The following CC2D2A variants were observed in gnomAD, a reference collection of about 807,000 sequenced individuals.
CC2D2A encodes coiled-coil and C2 domain containing 2A.
CC2D2A carries 155 observed loss-of-function variants against 212.9 expected under a neutral mutation model. The ratio of observed to expected loss-of-function variants is 0.73; its 90% CI spans 0.64 to 0.83. The LOEUF (loss-of-function observed/expected upper bound fraction) is 0.83, where lower values mean the gene tolerates loss of function less well. CC2D2A is among the 40% of genes least tolerant of loss of function. CC2D2A has a pLI of 0.00. For synonymous variants in CC2D2A, 667 were observed against 686.5 expected, an observed-to-expected ratio of 0.97 and a Z score of 0.44; for missense variants, 1,856 against 1,956.2, an observed-to-expected ratio of 0.95 and a Z score of 0.97.
At chr4:15,546,264 C>T (rs1718706612) in intron 17 of CC2D2A, among the ~76,000 whole-genome samples, 1 of 152,156 alleles carries the variant, frequency 6.6e-6, no homozygotes, top group Non-Finnish European at 1.5e-5. Flanking sequence ...TGAAATTTGG[C>T]TTAGAAATTT....
At chr4:15,589,784 AATAT>A in intron 33 of CC2D2A, 105 bp downstream of exon 33, 1 of 288,230 alleles carries the variant, frequency 3.5e-6, no homozygotes, top group Non-Finnish European at 5.8e-6. Flanking sequence ...TATATAAATG[AATAT>A]ATATATATAT....
At chr4:15,488,816 T>G (rs532458799) in intron 4 of CC2D2A, among the ~76,000 whole-genome samples, 1 of 152,358 alleles carries the variant, frequency 6.6e-6, no homozygotes, top group Non-Finnish European at 1.5e-5. Flanking sequence ...TTCGGGCACA[T>G]GCCCGGAGGT....
rs1716010691 is a variant in CC2D2A, at chr4:15,502,459, C to A, written c.278C>A (p.Thr93Lys). ...CCTCCAATTCCTTCAACTTCCAGAA[C>A]AGGCTTTGCAGAATTTTCCATGAGG... Reference protein sequence around the residue: ...SLPPIPSTSRTGFAEFSMRGR... With the variant: ...SLPPIPSTSRKGFAEFSMRGR... Residue 93 changes from threonine to lysine, a missense_variant, in exon 5 of 37, where the codon ACA becomes AAA. Physicochemically the swap from Thr to Lys is moderately conservative, Grantham distance 78. This residue lies in a region of CC2D2A where 1,512 missense variants were observed against 1,579.3 expected (regional missense o/e 0.96). Transcript: ENST00000424120. 2 of 1,607,508 alleles carry A rather than the reference C, an allele frequency of 1.2e-6. No homozygotes were observed. The highest frequency in any genetic ancestry group is 1.3e-5 in the African/African-American group (1 of 74,344).
In CC2D2A at chr4:15,550,790, T is replaced by C. The variant is rs1718957584; in HGVS notation, c.2182-34T>C. On this transcript the variant is annotated intron_variant, in intron 17 of 36. Coordinates refer to ENST00000424120, the MANE Select transcript of CC2D2A (RefSeq NM_001378615.1). ...TGAGCGTGAGCACACACTACTGCTG[T>C]TTTTATTGGCTATTTCTCTTCTCTG... The C allele has an allele frequency of 7.3e-6, 11 of 1,510,972 alleles. No homozygotes were observed. The Middle Eastern group carries it at 6.5e-4, about 89-fold the overall frequency. 93.6% of individuals were successfully genotyped at this position (1,510,972 alleles called of 1,614,324 possible).
intron 20 of CC2D2A, 46 bp downstream of exon 20, chr4:15,555,256 A>G (rs777412563): frequency 1.9e-6 from 3 of 1,597,306 alleles, no homozygotes; most frequent in South Asian, 2.3e-5. Flanking sequence ...TTGGCCTTTT[A>G]CACAATTTTC....
At chr4:15,513,627 T>G (rs1472555438) in intron 8 of CC2D2A, among the ~76,000 whole-genome samples, 1 of 152,258 alleles carries the variant, frequency 6.6e-6, no homozygotes, top group East Asian at 1.9e-4. Context: ...TTAGCCTTTT[T>G]GAACAAAGTT....
At chr4:15,482,418 C>G (rs535144930) in intron 4 of CC2D2A, 1 of 552,114 alleles carries the variant, frequency 1.8e-6, no homozygotes, top group Admixed American at 6.3e-5. Context: ...GGCTGGACAT[C>G]TGAGATCATG....
chr4:15,471,648 C>A (rs927028894), intron 1 of CC2D2A, among the ~76,000 whole-genome samples: 7 of 149,686 alleles, frequency 4.7e-5, no homozygotes, highest in African/African-American at 1.7e-4. Flanking sequence ...AAAAACGTGT[C>A]TCAGAGAAGG....
chr4:15,541,110 G>A lies in CC2D2A; in HGVS notation c.2181+96G>A, dbSNP rs1199592837. On this transcript the variant is annotated intron_variant, in intron 17 of 36. Transcript: ENST00000424120. Reference sequence around the variant, plus strand: ...GCAGATCACTTAAGGCCAGGAGTTCGAGACCAGCCTGGCCAACATGGCAAA... The same window carrying A: ...GCAGATCACTTAAGGCCAGGAGTTCAAGACCAGCCTGGCCAACATGGCAAA... The A allele has an allele frequency of 3.1e-5, 30 of 961,184 alleles. No individual in the cohort carries two copies. In the South Asian group the frequency reaches 3.3e-4, roughly 10 times the overall value. The allele number at this position is 961,184 out of a possible 1,614,324, so 59.5% of individuals were successfully genotyped here.
intron 17 of CC2D2A, among the ~76,000 whole-genome samples, chr4:15,542,646 C>A (rs932794779): frequency 6.6e-6 from 1 of 152,180 alleles, no homozygotes; most frequent in Non-Finnish European, 1.5e-5. Context: ...TCTGTACTGA[C>A]TGATAAATAG....
At chr4:15,481,555 C>G (rs1026074214) in intron 4 of CC2D2A, 2 of 189,490 alleles carry the variant, frequency 1.1e-5, no homozygotes, top group African/African-American at 4.7e-5. Context: ...CCTCCCCTCT[C>G]TCTTGCTCCC....
At chr4:15,595,855 A>C (rs901690582) in intron 33 of CC2D2A, 1 of 331,258 alleles carries the variant, frequency 3.0e-6, no homozygotes, top group Non-Finnish European at 5.5e-6. Context: ...ACTAAGGTAC[A>C]CCCCCAACTT....
chr4:15,581,182 T>A (rs541196366), intron 30 of CC2D2A, among the ~76,000 whole-genome samples: 2 of 152,326 alleles, frequency 1.3e-5, no homozygotes, highest in East Asian at 3.9e-4. Context: ...TAGATATAGA[T>A]GTATCAAAAA....
intron 35 of CC2D2A, among the ~76,000 whole-genome samples, chr4:15,598,232 G>A (rs781295721): frequency 3.3e-5 from 5 of 152,038 alleles, no homozygotes; most frequent in Non-Finnish European, 5.9e-5. Context: ...CTGACAATTC[G>A]TCCATACTTT....
chr4:15,545,799 G>A (rs903343842), intron 17 of CC2D2A, among the ~76,000 whole-genome samples: 1 of 152,100 alleles, frequency 6.6e-6, no homozygotes, highest in Admixed American at 6.6e-5. Context: ...TTTAACTTGA[G>A]GAAGTAAAAA....
At chr4:15,578,648 CAG>C (rs1720510569) in intron 29 of CC2D2A, among the ~76,000 whole-genome samples, 1 of 152,130 alleles carries the variant, frequency 6.6e-6, no homozygotes, top group Non-Finnish European at 1.5e-5. Flanking sequence ...TCTTTTTTAA[CAG>C]AGTCTCACTC....
intron 4 of CC2D2A, chr4:15,492,847 A>C (rs1350901952): frequency 1.7e-6 from 1 of 599,340 alleles, no homozygotes; most frequent in East Asian, 3.9e-5. Context: ...CCCAGCATCG[A>C]AGGTGGAAGA....
intron 4 of CC2D2A, among the ~76,000 whole-genome samples, chr4:15,497,385 A>G (rs1056818455): frequency 1.3e-5 from 2 of 152,160 alleles, no homozygotes; most frequent in Non-Finnish European, 2.9e-5. Context: ...AGGGAAAGAT[A>G]ATTTTGTGCT....
intron 11 of CC2D2A, chr4:15,519,780 G>T (rs73235032): frequency 5.6e-6 from 2 of 356,914 alleles, no homozygotes; most frequent in African/African-American, 4.3e-5. Flanking sequence ...TAAGAACGGC[G>T]CAGGAAAGAC....
Sources: allele counts gnomAD v4.1 joint callset (sites outside exome capture counted in the v4.1 genomes callset), GRCh38; gene constraint gnomAD v4.1.1; regional missense constraint gnomAD v4.1.1; transcripts MANE v1.5; gene names NCBI Gene and HGNC (gene_info 2026-07-23, HGNC 2026-07-21).